Variants in ZNF883 observed in about 807,000 individuals in gnomAD.
ZNF883 encodes the protein zinc finger protein 883.
At chr9:113,006,322 A>G (rs1020682864) in intron 2 of ZNF883, among the ~76,000 whole-genome samples, 13 of 152,088 alleles carry the variant, frequency 8.5e-5, no homozygotes, top group African/African-American at 3.1e-4. Context: ...CAGAAAACTC[A>G]TGAGTAATCG....
intron 2 of ZNF883, among the ~76,000 whole-genome samples, chr9:113,008,925 A>C (rs921256260): frequency 6.6e-6 from 1 of 152,040 alleles, no homozygotes; most frequent in Admixed American, 6.5e-5. Context: ...TCTTAGTGAA[A>C]TAGGAAGCAT....
chr9:113,004,297 A>G (rs1017976292), intron 2 of ZNF883, among the ~76,000 whole-genome samples: 1 of 152,206 alleles, frequency 6.6e-6, no homozygotes, highest in Admixed American at 6.5e-5. Flanking sequence ...GAGATAATAA[A>G]TTTATATTGT....
At chr9:113,009,648 T>C (rs539494366) in intron 2 of ZNF883, among the ~76,000 whole-genome samples, 2 of 152,194 alleles carry the variant, frequency 1.3e-5, no homozygotes, top group Non-Finnish European at 2.9e-5. Context: ...TAGCTGGGAC[T>C]ACAGGCGTAT....
chr9:113,007,925 GAAAA>G (rs754365040), intron 2 of ZNF883, among the ~76,000 whole-genome samples: 15 of 151,702 alleles, frequency 9.9e-5, no homozygotes, highest in Non-Finnish European at 1.6e-4. Context: ...TTTCTGAAAA[GAAAA>G]AGAAGGAAAA....
chr9:113,009,457 G>A (rs756728982), intron 2 of ZNF883, among the ~76,000 whole-genome samples: 1 of 151,898 alleles, frequency 6.6e-6, no homozygotes, highest in Non-Finnish European at 1.5e-5. Context: ...CTTCTGCTGA[G>A]GAACTTAATC....
intron 2 of ZNF883, among the ~76,000 whole-genome samples, chr9:113,008,474 C>T (rs1828499933): frequency 6.6e-6 from 1 of 152,100 alleles, no homozygotes; most frequent in Non-Finnish European, 1.5e-5. Flanking sequence ...AATGGAATTA[C>T]AGTTGAACTC....
At chr9:113,003,315 C>T (rs901270306) in intron 2 of ZNF883, among the ~76,000 whole-genome samples, 1 of 152,266 alleles carries the variant, frequency 6.6e-6, no homozygotes, top group South Asian at 2.1e-4. Context: ...GCTCTTCCTT[C>T]GTCTTCTGCC....
intron 2 of ZNF883, among the ~76,000 whole-genome samples, chr9:113,009,877 C>T (rs1828516021): frequency 1.3e-5 from 2 of 152,212 alleles, no homozygotes; most frequent in African/African-American, 4.8e-5. Context: ...TAAATAACAG[C>T]TGTCCTATGC....
chr9:112,999,668 T>C (rs1454352298), upstream of ZNF883: 2 of 152,168 alleles, frequency 1.3e-5, no homozygotes, highest in Non-Finnish European at 2.9e-5. Flanking sequence ...TACTTACATT[T>C]ACCAGTTTAT....
chr9:112,993,587 G>A (rs916007230), downstream of ZNF883, among the ~76,000 whole-genome samples: 1 of 152,232 alleles, frequency 6.6e-6, no homozygotes, highest in Non-Finnish European at 1.5e-5. Context: ...CAGAGGAGGT[G>A]TGCTATGCTG....
upstream of ZNF883, among the ~76,000 whole-genome samples, chr9:113,000,811 T>A (rs1217922563): frequency 1.3e-5 from 2 of 151,984 alleles, no homozygotes; most frequent in African/African-American, 4.8e-5. Context: ...TATATGGGGA[T>A]AATAGAATAT....
At chr9:113,003,580 CAAA>C (rs201780460) in intron 2 of ZNF883, among the ~76,000 whole-genome samples, 9 of 103,862 alleles carry the variant, frequency 8.7e-5, no homozygotes, top group South Asian at 3.1e-4. Context: ...AGTGGAGTCT[CAAA>C]AAAAAAAAAA....
chr9:112,994,794 T>C (rs2118603423), downstream of ZNF883, among the ~76,000 whole-genome samples: 1 of 152,274 alleles, frequency 6.6e-6, no homozygotes, highest in Middle Eastern at 3.4e-3. Context: ...GTAGTTCTAA[T>C]TGGATTTTCT....
At chr9:112,995,097 A>ATTT (rs1828337197), downstream of ZNF883, among the ~76,000 whole-genome samples, 1 of 152,166 alleles carries the variant, frequency 6.6e-6, no homozygotes, top group African/African-American at 2.4e-5. Context: ...GGTGTCTTTG[A>ATTT]ATGTGTTTCA....
chr9:112,996,747 C>T (rs1387495106), downstream of ZNF883, among the ~76,000 whole-genome samples: 35 of 120,302 alleles, frequency 2.9e-4, no homozygotes, highest in East Asian at 4.7e-3. Flanking sequence ...GCCGAGATCG[C>T]GCCACTGCAC....
chr9:112,998,123 C>T (rs1172196545), exon 1 of ZNF883: 3 of 1,613,906 alleles, frequency 1.9e-6, no homozygotes, highest in African/African-American at 2.7e-5. Flanking sequence ...GGACTTACCA[C>T]ATATTTTACA....
At chr9:112,998,388 ATAAAT>A (rs755710173), upstream of ZNF883, 639 of 700,058 alleles carry the variant, frequency 9.1e-4, no homozygotes, top group Non-Finnish European at 1.2e-3. Context: ...CTTATATCTA[ATAAAT>A]TATTTTTCAT....
At chr9:112,997,574 CTT>C (rs1491134443) in exon 1 of ZNF883, 1,089 of 1,614,118 alleles carry the variant, frequency 6.7e-4, no homozygotes, top group Non-Finnish European at 8.8e-4. Flanking sequence ...AGTATGAATT[CTT>C]TGATGTTGAA....
chr9:113,001,324 C>G (rs4246893), upstream of ZNF883, among the ~76,000 whole-genome samples: 105,884 of 151,926 alleles, frequency 0.7, 37,753 homozygotes, highest in East Asian at 0.89. Context: ...TGGTGAACGG[C>G]AGAGAATGAA....
Sources: gnomAD v4.1 joint callset for allele counts (sites outside exome capture counted in the v4.1 genomes callset) on GRCh38, gnomAD v4.1.1 for gene constraint, MANE v1.5 for transcripts, NCBI Gene and HGNC (gene_info 2026-07-23, HGNC 2026-07-21) for gene names.